Variants in EXOC6 observed in about 807,000 individuals in gnomAD.
The protein encoded by EXOC6 is SEC15-like 1.
In EXOC6, 60 loss-of-function variants were observed where a neutral mutation model predicts 112.5. That is an observed-to-expected ratio of 0.53 (90% CI 0.43 to 0.66). EXOC6 has a LOEUF of 0.66. Ranked by LOEUF, EXOC6 falls within the 30% of genes least tolerant of loss-of-function variation. EXOC6 has a pLI of 0.00. For missense variants in EXOC6, 855 were observed against 957.1 expected, an observed-to-expected ratio of 0.89 and a Z score of 1.41; for synonymous variants, 295 against 308.0, an observed-to-expected ratio of 0.96 and a Z score of 0.44.
intron 1 of EXOC6, among the ~76,000 whole-genome samples, chr10:92,865,752 A>C (rs1848142951): frequency 6.6e-6 from 1 of 152,042 alleles, no homozygotes; most frequent in Non-Finnish European, 1.5e-5. Context: ...CCAAAACTTA[A>C]CTACTAATGG....
At position 92,969,422 on chromosome 10, in the gene EXOC6, A is replaced by C. The variant is rs191582701; in HGVS notation, c.1774-4631A>C. Among the ~76,000 whole-genome samples, 418 of 152,206 alleles carry C rather than the reference A, an allele frequency of 2.7e-3. 1 individual carries two copies. The highest frequency in any genetic ancestry group is 6.8e-3 in the Middle Eastern group (2 of 294). ...GATGCTGTAGTACAAAGTCATCTCC[A>C]CTGTTTCCTGACCCATAGAACCTGT... On this transcript the variant is annotated intron_variant, in intron 17 of 21. Transcript: ENST00000260762.
chr10:92,935,858 T>C lies in EXOC6; in HGVS notation c.1185T>C (p.Leu395=). 6.2e-7 allele frequency: 1 copy of C among 1,608,972 alleles called. No homozygotes were observed. Among genetic ancestry groups the C allele is most frequent in the Non-Finnish European group, 8.5e-7 (1 of 1,176,690 alleles). Residue 395 remains leucine (L), a synonymous_variant, in exon 12 of 22, where the codon CTT becomes CTC. Transcript: ENST00000260762. ...ATCTTGTTCTGGAGCTGAAGAATCT[T>C]ACTGTAATATTTGCAGATACTTTAC... ...DPDLVLELKN[L]TVIFADTLQG...
At chr10:92,982,600 T>G (rs1195913710) in intron 18 of EXOC6, among the ~76,000 whole-genome samples, 1 of 152,230 alleles carries the variant, frequency 6.6e-6, no homozygotes, top group Admixed American at 6.5e-5. Flanking sequence ...ATTGTTTAGT[T>G]TTTATTAACT....
chr10:93,057,135 A>G, intron 21 of EXOC6, 99 bp downstream of exon 21: 1 of 633,836 alleles, frequency 1.6e-6, no homozygotes, highest in Non-Finnish European at 2.6e-6. Flanking sequence ...AGAAAAGTCT[A>G]GATGGAGCTT....
chr10:93,058,678 T>G lies in EXOC6; in HGVS notation c.*323T>G, dbSNP rs1846655035. ...AACATATGCCTCTACTCATAAGTAT[T>G]TTTTTCTATTTAGACTTGAATGATA... On this transcript the variant is annotated 3_prime_UTR_variant, in exon 22 of 22. Transcript: ENST00000260762. 5.3e-6 allele frequency: 1 copy of G among 188,272 alleles called. No homozygotes were observed. 11.7% of individuals were successfully genotyped at this position (188,272 alleles called of 1,614,324 possible). A position where few individuals can be genotyped will look rare whatever the true frequency, so the allele number is the denominator to read the frequency against.
At chr10:92,969,006 T>C (rs1220167322) in intron 17 of EXOC6, among the ~76,000 whole-genome samples, 1 of 152,162 alleles carries the variant, frequency 6.6e-6, no homozygotes, top group African/African-American at 2.4e-5. Flanking sequence ...TCCTTGACAC[T>C]TCTCTCATTG....
intron 18 of EXOC6, among the ~76,000 whole-genome samples, chr10:92,974,987 C>T (rs1172104457): frequency 6.6e-6 from 1 of 151,932 alleles, no homozygotes; most frequent in Admixed American, 6.6e-5. Flanking sequence ...CCGGCCGCCA[C>T]CCCGTCTGGG....
At chr10:92,982,862 C>T (rs1224968922) in intron 18 of EXOC6, among the ~76,000 whole-genome samples, 1 of 152,104 alleles carries the variant, frequency 6.6e-6, no homozygotes, top group Non-Finnish European at 1.5e-5. Flanking sequence ...ATTATTTTCC[C>T]ACTAAATGTT....
intron 8 of EXOC6, among the ~76,000 whole-genome samples, chr10:92,921,876 T>G (rs1274307449): frequency 6.6e-6 from 1 of 152,054 alleles, no homozygotes; most frequent in African/African-American, 2.4e-5. Flanking sequence ...ATGCTGTAAA[T>G]TTAATAAACT....
At chr10:92,969,170 C>T (rs1842186250) in intron 17 of EXOC6, among the ~76,000 whole-genome samples, 1 of 152,064 alleles carries the variant, frequency 6.6e-6, no homozygotes, top group African/African-American at 2.4e-5. Flanking sequence ...GCATGGAGCA[C>T]ACATGCTTGG....
intron 20 of EXOC6, among the ~76,000 whole-genome samples, chr10:93,045,674 A>G (rs756149560): frequency 1.1e-4 from 16 of 152,248 alleles, no homozygotes; most frequent in Admixed American, 2.6e-4. Flanking sequence ...CTGAAAGTCT[A>G]TTGAACACCT....
chr10:92,986,310 A>G (rs1019099638), intron 18 of EXOC6, among the ~76,000 whole-genome samples: 4 of 152,186 alleles, frequency 2.6e-5, no homozygotes, highest in Non-Finnish European at 4.4e-5. Context: ...AATAACTATG[A>G]TGGTGGGATA....
intron 20 of EXOC6, among the ~76,000 whole-genome samples, chr10:93,032,226 A>G (rs1845309823): frequency 6.6e-6 from 1 of 152,126 alleles, no homozygotes; most frequent in South Asian, 2.1e-4. Context: ...AGTCCCAGCT[A>G]GTCAGGAGGC....
chr10:92,834,574 A>T (rs981276950), upstream of EXOC6: 6 of 529,808 alleles, frequency 1.1e-5, no homozygotes, highest in African/African-American at 1.1e-4. Context: ...AAAGACTTTT[A>T]TAGCATGAAG....
intron 19 of EXOC6, among the ~76,000 whole-genome samples, chr10:93,001,280 A>G (rs1413633471): frequency 6.6e-6 from 1 of 152,194 alleles, no homozygotes; most frequent in Non-Finnish European, 1.5e-5. Context: ...TGTTAATAAC[A>G]TAGATATGCT....
chr10:92,894,288 G>A (rs1849647277), intron 2 of EXOC6, among the ~76,000 whole-genome samples: 1 of 152,140 alleles, frequency 6.6e-6, no homozygotes, highest in African/African-American at 2.4e-5. Flanking sequence ...TAATATGTGG[G>A]AAAATTTGAG....
At chr10:92,832,094 A>C (rs1846503272), upstream of EXOC6, among the ~76,000 whole-genome samples, 1 of 152,198 alleles carries the variant, frequency 6.6e-6, no homozygotes, top group Non-Finnish European at 1.5e-5. Flanking sequence ...CTCTTTTAAG[A>C]GTGATTTCTC....
chr10:92,856,808 C>T lies in EXOC6; in HGVS notation c.101+8174C>T, dbSNP rs533672888. On this transcript the variant is annotated intron_variant, in intron 1 of 21. Coordinates refer to ENST00000260762, the MANE Select transcript of EXOC6 (RefSeq NM_019053.6). ...AGTAGTTTTTATGTCTTTTCAGGCTCTGTTGTTAGATGCATATATGTTTAT... is the reference window on the plus strand; with the variant it reads ...AGTAGTTTTTATGTCTTTTCAGGCTTTGTTGTTAGATGCATATATGTTTAT... 1.7e-3 allele frequency among the ~76,000 whole-genome samples: 266 copies of T among 152,206 alleles called. 2 individuals carry two copies. Among genetic ancestry groups the T allele is most frequent in the African/African-American group, 6.3e-3 (260 of 41,546 alleles).
chr10:92,850,216 G>A (rs1417960166), intron 1 of EXOC6, among the ~76,000 whole-genome samples: 2 of 152,150 alleles, frequency 1.3e-5, no homozygotes, highest in Non-Finnish European at 2.9e-5. Flanking sequence ...CTTGAAAAAA[G>A]ATGAAATTAA....
Sources: allele counts gnomAD v4.1 joint callset (sites outside exome capture counted in the v4.1 genomes callset), GRCh38; gene constraint gnomAD v4.1.1; transcripts MANE v1.5; gene names NCBI Gene and HGNC (gene_info 2026-07-23, HGNC 2026-07-21).